NCOA3: variants seen among roughly 807,000 people sequenced by gnomAD.
NCOA3 encodes the protein CBP-interacting protein.
A neutral mutation model predicts 158.8 loss-of-function variants in NCOA3; 51 were observed. The ratio of observed to expected loss-of-function variants is 0.32; its 90% CI spans 0.26 to 0.41. The LOEUF (loss-of-function observed/expected upper bound fraction) is 0.41. Among genes scored for constraint, NCOA3 ranks in the 10% least tolerant of loss-of-function variants. The pLI is 1.00. For synonymous variants in NCOA3, 537 were observed against 592.4 expected, an observed-to-expected ratio of 0.91 and a Z score of 1.36; for missense variants, 1,510 against 1,746.6, an observed-to-expected ratio of 0.86 and a Z score of 2.41.
intron 2 of NCOA3, among the ~76,000 whole-genome samples, chr20:47,618,348 G>GTTTTTTTTTTTTTTTT: frequency 9.9e-6 from 1 of 101,378 alleles, no homozygotes; most frequent in Non-Finnish European, 1.9e-5. Context: ...TTTTCCCTTA[G>GTTTTTTTTTTTTTTTT]TTTTTTTTTT....
chr20:47,635,427 C>G lies in NCOA3; in HGVS notation c.1218C>G (p.Asn406Lys), dbSNP rs542146047. The G allele has an allele frequency of 3.7e-6, 6 of 1,614,144 alleles. 1 individual carries two copies. In the South Asian group the frequency reaches 5.5e-5, roughly 15 times the overall value. ...TAGGCGGCATGAGTATGTCGCCAAA[C>G]CAAGGCTTACAGATGCCGAGCAGCA... ...SSVGGMSMSP[N>K]QGLQMPSSRA... Residue 406 changes from asparagine (N) to lysine (K), a missense_variant, in exon 11 of 23, where the codon AAC becomes AAG. Physicochemically the swap from Asn to Lys is moderately conservative, Grantham distance 94. Around this residue, in one of 4 missense-constraint regions of NCOA3, gnomAD observed 1,017 missense variants for 1,098.3 expected, o/e 0.93. Transcript: ENST00000371998.
At chr20:47,647,772 TAAA>T (rs2032201121) in intron 18 of NCOA3, among the ~76,000 whole-genome samples, 2 of 152,196 alleles carry the variant, frequency 1.3e-5, no homozygotes, top group African/African-American at 4.8e-5. Flanking sequence ...TTTAATATTC[TAAA>T]ATATGACTTC....
intron 1 of NCOA3, among the ~76,000 whole-genome samples, chr20:47,555,800 G>A (rs1448159891): frequency 1.3e-5 from 2 of 151,172 alleles, no homozygotes; most frequent in East Asian, 3.9e-4. Flanking sequence ...CACCATGCCC[G>A]GCTGATTTTT....
chr20:47,600,791 C>T (rs192798455), intron 2 of NCOA3, among the ~76,000 whole-genome samples: 2 of 131,230 alleles, frequency 1.5e-5, no homozygotes, highest in Non-Finnish European at 3.1e-5. Context: ...GTTGGGATTA[C>T]GGGCATGAGC....
intron 1 of NCOA3, among the ~76,000 whole-genome samples, chr20:47,581,279 A>T (rs905262357): frequency 6.6e-6 from 1 of 152,150 alleles, no homozygotes; most frequent in African/African-American, 2.4e-5. Context: ...TCTGAAAAAA[A>T]TTCGAGACAC....
chr20:47,524,700 A>G (rs1233490204), intron 1 of NCOA3, among the ~76,000 whole-genome samples: 8 of 152,200 alleles, frequency 5.3e-5, no homozygotes, highest in Admixed American at 2.0e-4. Context: ...TCCCCCCAGT[A>G]TACAGATCTT....
At chr20:47,526,127 G>A (rs1317796614) in intron 1 of NCOA3, among the ~76,000 whole-genome samples, 2 of 150,302 alleles carry the variant, frequency 1.3e-5, no homozygotes, top group Admixed American at 6.6e-5. Context: ...CGGACGGGGC[G>A]GCAGGGCAGA....
chr20:47,530,461 C>CTTTTTT (rs11483053), intron 1 of NCOA3, among the ~76,000 whole-genome samples: 1 of 129,406 alleles, frequency 7.7e-6, no homozygotes, highest in Non-Finnish European at 1.6e-5. Flanking sequence ...AATGATTTAA[C>CTTTTTT]TTTTTTTTTT....
chr20:47,652,922 T>C lies in NCOA3; in HGVS notation c.4122-9T>C, dbSNP rs1173065584. 2.5e-6 allele frequency: 4 copies of C among 1,613,692 alleles called. No individual in the cohort carries two copies. In the African/African-American group the frequency reaches 5.3e-5, roughly 22 times the overall value. ...TCCAGAGGTAATATTACCATTTGTT[T>C]ACTTACAGCTCCTTTTCCCAGCAGC... On this transcript the variant is annotated splice_polypyrimidine_tract_variant and intron_variant, in intron 21 of 22. Transcript: ENST00000371998.
intron 1 of NCOA3, among the ~76,000 whole-genome samples, chr20:47,504,436 T>C (rs1405796989): frequency 6.6e-6 from 1 of 151,986 alleles, no homozygotes; most frequent in African/African-American, 2.4e-5. Flanking sequence ...GAAATAAGCT[T>C]TCTTGCAGGG....
intron 1 of NCOA3, among the ~76,000 whole-genome samples, chr20:47,525,686 G>A (rs1476354660): frequency 4.4e-5 from 6 of 137,884 alleles, no homozygotes; most frequent in Admixed American, 3.5e-4. Flanking sequence ...CCTCCCTCCC[G>A]GACGGGGCGG....
intron 2 of NCOA3, among the ~76,000 whole-genome samples, chr20:47,621,250 G>A (rs2086235549): frequency 1.3e-5 from 2 of 148,484 alleles, no homozygotes; most frequent in African/African-American, 5.1e-5. Context: ...TATTTTTTTT[G>A]TTTTTTTGCT....
In NCOA3 at chr20:47,625,406, T is replaced by C. The variant is rs763531896; in HGVS notation, c.282T>C (p.Asp94=). The C allele has an allele frequency of 4.9e-5, 79 of 1,613,376 alleles. No individual in the cohort carries two copies. Among genetic ancestry groups the C allele is most frequent in the Non-Finnish European group, 6.1e-5 (72 of 1,179,490 alleles). Reference sequence around the variant, plus strand: ...GAAAAACTATTTCCAATGATGATGATGTTCAAAAAGCCGATGTATCTTCTA... The same window carrying C: ...GAAAAACTATTTCCAATGATGATGACGTTCAAAAAGCCGATGTATCTTCTA... ...EQGKTISNDD[D]VQKADVSSTG... Residue 94 remains aspartate, a synonymous_variant, in exon 5 of 23, where the codon GAT becomes GAC. Coordinates refer to ENST00000371998, the MANE Select transcript of NCOA3 (RefSeq NM_181659.3).
Position 47,633,651 on chromosome 20 carries a change from G to T in NCOA3, c.964+15G>T. On this transcript the variant is annotated intron_variant, in intron 9 of 22. Transcript: ENST00000371998. ...CTATCAAGAAGGTAAAGAATTTTGG[G>T]GTTGATTGTTCTTATCATTTTATTC... 1.9e-6 allele frequency: 3 copies of T among 1,607,252 alleles called. No homozygotes were observed. Among genetic ancestry groups the T allele is most frequent in the Non-Finnish European group, 2.5e-6 (3 of 1,178,108 alleles).
At chr20:47,562,127 A>G (rs182644926) in intron 1 of NCOA3, among the ~76,000 whole-genome samples, 16 of 152,260 alleles carry the variant, frequency 1.1e-4, no homozygotes, top group Non-Finnish European at 2.1e-4. Flanking sequence ...ATGAGATTCC[A>G]TGTGCCACAA....
At chr20:47,530,439 C>T (rs1485604779) in intron 1 of NCOA3, among the ~76,000 whole-genome samples, 1 of 147,242 alleles carries the variant, frequency 6.8e-6, no homozygotes, top group East Asian at 2.0e-4. Flanking sequence ...TGGTTTGATT[C>T]AATAAATTTT....
At chr20:47,571,020 T>TC (rs1320747435) in intron 1 of NCOA3, among the ~76,000 whole-genome samples, 7 of 118,372 alleles carry the variant, frequency 5.9e-5, no homozygotes, top group African/African-American at 1.5e-4. Context: ...ATTTTTTTTT[T>TC]CCCATACAGA....
intron 17 of NCOA3, among the ~76,000 whole-genome samples, chr20:47,643,646 C>T (rs2146335177): frequency 6.6e-6 from 1 of 152,216 alleles, no homozygotes; most frequent in South Asian, 2.1e-4. Context: ...TCTCAAATCG[C>T]TTTCTGTCTT....
intron 2 of NCOA3, among the ~76,000 whole-genome samples, chr20:47,602,295 A>C (rs939674366): frequency 6.6e-6 from 1 of 152,296 alleles, no homozygotes; most frequent in Non-Finnish European, 1.5e-5. Flanking sequence ...TTCTAAACCA[A>C]CTATTGTTAT....
Sources: allele counts gnomAD v4.1 joint callset (sites outside exome capture counted in the v4.1 genomes callset), GRCh38; gene constraint gnomAD v4.1.1; regional missense constraint gnomAD v4.1.1; transcripts MANE v1.5; gene names NCBI Gene and HGNC (gene_info 2026-07-23, HGNC 2026-07-21).